Variants in RTEL1 observed in about 807,000 individuals in gnomAD.
The protein encoded by RTEL1 is regulator of telomere length.
In RTEL1, 86 loss-of-function variants were observed where a neutral mutation model predicts 162.2. The observed-to-expected ratio is 0.53, with a 90% CI of 0.45 to 0.63. The LOEUF is 0.63. Among genes scored for constraint, RTEL1 ranks in the 30% least tolerant of loss-of-function variants. The probability of loss-of-function intolerance (pLI) is 0.00; values close to 1 mark genes in which losing one functional copy is unlikely to be tolerated. For missense variants in RTEL1, 1,941 were observed against 1,750.2 expected (o/e 1.11, Z -1.95); for synonymous variants, 958 against 717.9 (o/e 1.33, Z -5.35).
intron 14 of RTEL1, among the ~76,000 whole-genome samples, chr20:63,682,949 G>A (rs1325361188): frequency 6.6e-6 from 1 of 152,180 alleles, no homozygotes; most frequent in African/African-American, 2.4e-5. Context: ...GCCCTGGGCT[G>A]AGGCACAGGG....
intron 14 of RTEL1, among the ~76,000 whole-genome samples, chr20:63,683,234 G>A (rs900580466): frequency 7.2e-5 from 11 of 152,230 alleles, no homozygotes; most frequent in Non-Finnish European, 8.8e-5. Context: ...CCAAAGTGCT[G>A]GGATTACAGG....
intron 27 of RTEL1, among the ~76,000 whole-genome samples, chr20:63,691,304 C>T (rs2090736311): frequency 6.6e-6 from 1 of 152,184 alleles, no homozygotes; most frequent in Non-Finnish European, 1.5e-5. Context: ...GCGGGTGGAA[C>T]CCAGGTTCCT....
At chr20:63,675,236 A>G (rs910196055) in intron 10 of RTEL1, among the ~76,000 whole-genome samples, 2 of 152,194 alleles carry the variant, frequency 1.3e-5, no homozygotes, top group Non-Finnish European at 2.9e-5. Context: ...GCTTCTGTAA[A>G]CAGCTGACTA....
At chr20:63,680,047 C>A (rs1472321410) in intron 13 of RTEL1, 101 bp downstream of exon 13, 2 of 779,126 alleles carry the variant, frequency 2.6e-6, no homozygotes, top group Non-Finnish European at 4.1e-6. Context: ...GTCACCTGGC[C>A]GTCAGCAGGA....
At chr20:63,693,468 T>TTCA (rs2090837544) in intron 30 of RTEL1, among the ~76,000 whole-genome samples, 185 bp downstream of exon 30, 4 of 9,764 alleles carry the variant, frequency 4.1e-4, no homozygotes, top group African/African-American at 1.4e-3. Context: ...CACCTCCACC[T>TTCA]CCACCTCCAC....
chr20:63,658,650 T>C (rs549666250), intron 1 of RTEL1, 184 bp downstream of exon 1: 1 of 152,294 alleles, frequency 6.6e-6, no homozygotes, highest in Non-Finnish European at 1.5e-5. Context: ...CGCCGCGGCG[T>C]TGGCTGAGCC....
chr20:63,676,910 G>A (rs1174074956), intron 10 of RTEL1, among the ~76,000 whole-genome samples: 1 of 39,952 alleles, frequency 2.5e-5, no homozygotes, highest in African/African-American at 1.4e-4. Context: ...ACTCCAGCCT[G>A]GCGACAGAGC....
chr20:63,668,604 G>A lies in RTEL1; in HGVS notation c.699+1051G>A, dbSNP rs895530802. ...CAGCAGAGCAAGGGAAGAGGTGAGTGGGGGCGGCTGGGGGGCCGACTCCTG... is the reference window on the plus strand; with the variant it reads ...CAGCAGAGCAAGGGAAGAGGTGAGTAGGGGCGGCTGGGGGGCCGACTCCTG... On this transcript the variant is annotated intron_variant, in intron 8 of 34. Coordinates refer to ENST00000360203, the MANE Select transcript of RTEL1 (RefSeq NM_001283009.2). This position sits in a 1 kb window ranked among gnomAD's most constrained non-coding sequence, Gnocchi z 4.3. 6.6e-6 allele frequency among the ~76,000 whole-genome samples: 1 copy of A among 152,122 alleles called. No homozygotes were observed.
At chr20:63,694,131 C>A (rs571980065) in intron 30 of RTEL1, among the ~76,000 whole-genome samples, 9 of 152,270 alleles carry the variant, frequency 5.9e-5, no homozygotes, top group African/African-American at 2.2e-4. Flanking sequence ...ATGCCTGCAC[C>A]CAGCCTACGG....
At chr20:63,660,293 TC>T (rs1427505291) in intron 2 of RTEL1, among the ~76,000 whole-genome samples, 1 of 152,212 alleles carries the variant, frequency 6.6e-6, no homozygotes, top group Non-Finnish European at 1.5e-5. Context: ...GTCAGGTCTT[TC>T]CCATCCCACG....
At position 63,694,428 on chromosome 20, in the gene RTEL1, G is replaced by C. The variant is rs61736617; in HGVS notation, c.3049G>C (p.Asp1017His). The change falls in exon 31 of 35, where the codon GAC becomes CAC. Residue 1017 changes from aspartate to histidine, a missense_variant. Transcript: ENST00000360203. ...GTCCACGGCTGCAGCCCAGCAGCTGGACCCCCAAGAGCACCTGAACCAGGG... is the reference window on the plus strand; with the variant it reads ...GTCCACGGCTGCAGCCCAGCAGCTGCACCCCCAAGAGCACCTGAACCAGGG... ...TVSTAAAQQL[D>H]PQEHLNQGRP... 1 of 1,612,362 alleles carries C rather than the reference G, an allele frequency of 6.2e-7. No homozygotes were observed. The highest frequency in any genetic ancestry group is 1.7e-5 in the Admixed American group (1 of 60,016).
chr20:63,678,222 G>GGCCTCCTCCTTGCGAGGAGGTGGGTGAC, intron 11 of RTEL1, 39 bp downstream of exon 11: 6 of 1,613,126 alleles, frequency 3.7e-6, no homozygotes, highest in Non-Finnish European at 4.2e-6. Flanking sequence ...AGCTGGGTGG[G>GGCCTCCTCCTTGCGAGGAGGTGGGTGAC]GCCTCCTCCT....
At chr20:63,693,401 C>T in intron 30 of RTEL1, 118 bp downstream of exon 30, 2 of 1,302,450 alleles carry the variant, frequency 1.5e-6, no homozygotes, top group Non-Finnish European at 2.1e-6. Context: ...CTCTCTGTTC[C>T]CCTATGGGAG....
chr20:63,661,834 G>A lies in RTEL1; in HGVS notation c.302-16G>A. On this transcript the variant is annotated splice_polypyrimidine_tract_variant and intron_variant, in intron 3 of 34. Transcript: ENST00000360203. This position sits in a 1 kb window ranked among gnomAD's most constrained non-coding sequence, Gnocchi z 5.1. Reference sequence around the variant, plus strand: ...TCTGAGAACCGTGACTTCTGTGCTTGCTTGTGTCTGGTCAGCTTGCTACAC... The same window carrying A: ...TCTGAGAACCGTGACTTCTGTGCTTACTTGTGTCTGGTCAGCTTGCTACAC... 6.2e-7 allele frequency: 1 copy of A among 1,611,590 alleles called. No individual in the cohort carries two copies. The highest frequency in any genetic ancestry group is 1.1e-5 in the South Asian group (1 of 91,024).
At position 63,693,257 on chromosome 20, in the gene RTEL1, G is replaced by T. The variant is rs200683292; in HGVS notation, c.2966G>T (p.Arg989Leu). 2 of 1,611,780 alleles carry T rather than the reference G, an allele frequency of 1.2e-6. No individual in the cohort carries two copies. Among genetic ancestry groups the T allele is most frequent in the African/African-American group, 2.7e-5 (2 of 74,812 alleles). Reference protein sequence around the residue: ...RPEHSIPRRQRAQPVLDPTGR... With the variant: ...RPEHSIPRRQLAQPVLDPTGR... ...GAGCACAGCATTCCCCGAAGGCAGCGGGCACAGCCGGTCCTGGACCCCACT... is the reference window on the plus strand; with the variant it reads ...GAGCACAGCATTCCCCGAAGGCAGCTGGCACAGCCGGTCCTGGACCCCACT... The change falls in exon 30 of 35, where the codon CGG becomes CTG. Residue 989 changes from arginine to leucine, a missense_variant. By Grantham distance (102) the Arg-to-Leu change is moderately radical. Coordinates refer to ENST00000360203, the MANE Select transcript of RTEL1 (RefSeq NM_001283009.2).
At chr20:63,693,355 T>A in intron 30 of RTEL1, 72 bp downstream of exon 30, 4 of 1,579,602 alleles carry the variant, frequency 2.5e-6, no homozygotes, top group Middle Eastern at 3.9e-4. Context: ...CCTGGGCTGC[T>A]TGGGGTGGGC....
rs1455933460 is a variant in RTEL1 at position 63,679,830 on chromosome 20, G to A, written c.1038-19G>A. The A allele has an allele frequency of 1.9e-6, 3 of 1,602,876 alleles. No homozygotes were observed. The highest frequency in any genetic ancestry group is 1.3e-5 in the African/African-American group (1 of 74,736). ...TGGTCCCCCCGCCAGGCTCGAGCCT[G>A]CCTTCTTCTCCTCGGCAGCTACATC... On this transcript the variant is annotated intron_variant, in intron 12 of 34. Coordinates refer to ENST00000360203, the MANE Select transcript of RTEL1 (RefSeq NM_001283009.2).
Position 63,690,963 on chromosome 20 carries a change from C to A in RTEL1, c.2556+16C>A, listed in dbSNP as rs1417492850. On this transcript the variant is annotated intron_variant, in intron 27 of 34. Coordinates refer to ENST00000360203, the MANE Select transcript of RTEL1 (RefSeq NM_001283009.2). Reference sequence around the variant, plus strand: ...CGAGGAGCAGGTACAGTTCCAGGGCCTTGGGATGGACACAGACCCTCTGTC... The same window carrying A: ...CGAGGAGCAGGTACAGTTCCAGGGCATTGGGATGGACACAGACCCTCTGTC... 6.5e-7 allele frequency: 1 copy of A among 1,544,114 alleles called. No homozygotes were observed. The highest frequency in any genetic ancestry group is 1.2e-5 in the South Asian group (1 of 83,702).
intron 14 of RTEL1, chr20:63,682,446 G>T: frequency 1.0e-6 from 1 of 985,854 alleles, no homozygotes; most frequent in Non-Finnish European, 1.2e-6. Context: ...CTCTGGAACC[G>T]GATCCTGGAA....
Sources: gnomAD v4.1 joint callset for allele counts (sites outside exome capture counted in the v4.1 genomes callset) on GRCh38, gnomAD v4.1.1 for gene constraint, Gnocchi (gnomAD v3.1) non-coding constraint, MANE v1.5 for transcripts, NCBI Gene and HGNC (gene_info 2026-07-23, HGNC 2026-07-21) for gene names.